Variants in ELAPOR1 observed in about 807,000 individuals in gnomAD.
The protein encoded by ELAPOR1 is endosome/lysosome-associated apoptosis and autophagy regulator 1.
In ELAPOR1, 77 loss-of-function variants were observed where a neutral mutation model predicts 119.7. The observed-to-expected ratio is 0.64, with a 90% CI of 0.54 to 0.78. The LOEUF is 0.78. Among genes scored for constraint, ELAPOR1 ranks in the 30% least tolerant of loss-of-function variants. The pLI, the probability that ELAPOR1 is intolerant of heterozygous loss-of-function variation, is 0.00. For missense variants in ELAPOR1, 1,115 were observed against 1,270.4 expected (o/e 0.88, Z 1.86); for synonymous variants, 481 against 487.2 (o/e 0.99, Z 0.17).
At chr1:109,114,357 G>A (rs368537128) in intron 1 of ELAPOR1, 21 bp downstream of exon 1, 80 of 1,556,802 alleles carry the variant, frequency 5.1e-5, no homozygotes, top group Non-Finnish European at 6.4e-5. Context: ...CCCCCTACCC[G>A]ATCCCGCTTT....
At chr1:109,155,467 C>A (rs1415585566) in intron 1 of ELAPOR1, among the ~76,000 whole-genome samples, 1 of 152,160 alleles carries the variant, frequency 6.6e-6, no homozygotes, top group Non-Finnish European at 1.5e-5. Flanking sequence ...CGTGAGCCAC[C>A]AAGCCCGGCC....
In ELAPOR1 at chr1:109,194,527, G is replaced by A; in HGVS notation, c.2054G>A (p.Gly685Glu). The change falls in exon 15 of 22, where the codon GGG becomes GAG. Residue 685 changes from glycine (G) to glutamate (E), a missense_variant. Physicochemically the swap from Gly to Glu is moderately conservative, Grantham distance 98. Coordinates refer to ENST00000369939, the MANE Select transcript of ELAPOR1 (RefSeq NM_020775.5). ...ALANTVTLAG[G>E]PSFTSKGLKY... ...GCAAACACTGTCACTCTTGCTGGAG[G>A]GCCAAGCTTCACTTCCAAAGGGCTG... The A allele has an allele frequency of 6.2e-7, 1 of 1,613,930 alleles. No individual in the cohort carries two copies. The highest frequency in any genetic ancestry group is 8.5e-7 in the Non-Finnish European group (1 of 1,179,812).
chr1:109,188,322 C>T lies in ELAPOR1; in HGVS notation c.1187C>T (p.Pro396Leu). 1 of 1,614,058 alleles carries T rather than the reference C, an allele frequency of 6.2e-7. No homozygotes were observed. Among genetic ancestry groups the T allele is most frequent in the Non-Finnish European group, 8.5e-7 (1 of 1,179,894 alleles). The change falls in exon 9 of 22, where the codon CCC becomes CTC. Residue 396 changes from proline to leucine, a missense_variant. Transcript: ENST00000369939. ...AAAACCAACAACAGCACCTGCCAGC[C>T]CTGCCCATATGGTTCCTACTCCAAT... Reference protein sequence around the residue: ...FFKTNNSTCQPCPYGSYSNGS... With the variant: ...FFKTNNSTCQLCPYGSYSNGS...
chr1:109,165,403 G>T (rs933049199), intron 3 of ELAPOR1, among the ~76,000 whole-genome samples: 1 of 151,966 alleles, frequency 6.6e-6, no homozygotes, highest in Non-Finnish European at 1.5e-5. Context: ...CCTGGCCATG[G>T]TGAAACCCCG....
At chr1:109,126,483 T>A (rs1032799866) in intron 1 of ELAPOR1, among the ~76,000 whole-genome samples, 2 of 152,188 alleles carry the variant, frequency 1.3e-5, no homozygotes, top group African/African-American at 4.8e-5. Flanking sequence ...AGCACTTTTT[T>A]TTTTTGAGAT....
chr1:109,154,003 C>T (rs913140447), intron 1 of ELAPOR1, among the ~76,000 whole-genome samples: 2 of 151,724 alleles, frequency 1.3e-5, no homozygotes, highest in African/African-American at 2.4e-5. Context: ...GAAAAGGGGC[C>T]GGGTGCTGTG....
At chr1:109,186,757 G>A in intron 8 of ELAPOR1, 1 of 985,566 alleles carries the variant, frequency 1.0e-6, no homozygotes, top group Non-Finnish European at 1.2e-6. Context: ...GTGACTGAAT[G>A]TGGCTGTCTT....
At chr1:109,140,944 C>G (rs961861202) in intron 1 of ELAPOR1, among the ~76,000 whole-genome samples, 1 of 152,134 alleles carries the variant, frequency 6.6e-6, no homozygotes, top group African/African-American at 2.4e-5. Context: ...CTCCCCCTCC[C>G]GGGTTCAAGT....
At chr1:109,140,214 A>G (rs1022635438) in intron 1 of ELAPOR1, among the ~76,000 whole-genome samples, 6 of 152,182 alleles carry the variant, frequency 3.9e-5, no homozygotes, top group Non-Finnish European at 5.9e-5. Context: ...AGGATGCACA[A>G]CCTGTACATC....
At chr1:109,192,503 TTAAG>T (rs1653501281) in intron 13 of ELAPOR1, 104 bp from the exon 14 acceptor site, 1 of 1,179,522 alleles carries the variant, frequency 8.5e-7, no homozygotes, top group Non-Finnish European at 1.2e-6. Context: ...CAGATTCTTC[TTAAG>T]TATCACAGGA....
intron 1 of ELAPOR1, among the ~76,000 whole-genome samples, chr1:109,139,714 C>T (rs1216832267): frequency 6.6e-6 from 1 of 152,192 alleles, no homozygotes; most frequent in African/African-American, 2.4e-5. Flanking sequence ...TATTATTTCT[C>T]ATCTGTCATG....
intron 1 of ELAPOR1, among the ~76,000 whole-genome samples, chr1:109,114,731 G>C (rs1647874123): frequency 6.6e-6 from 1 of 152,198 alleles, no homozygotes; most frequent in Non-Finnish European, 1.5e-5. Context: ...AGAGTAGTGG[G>C]AGAGGAAAGG....
At chr1:109,187,397 C>T in intron 8 of ELAPOR1, 1 of 986,262 alleles carries the variant, frequency 1.0e-6, no homozygotes, top group Non-Finnish European at 1.2e-6. Context: ...CAGTCTGTGT[C>T]CCTCCTTAAG....
chr1:109,135,456 G>T (rs1425610699), intron 1 of ELAPOR1, among the ~76,000 whole-genome samples: 1 of 152,064 alleles, frequency 6.6e-6, no homozygotes, highest in Non-Finnish European at 1.5e-5. Context: ...GACCAGGCTG[G>T]CTGGTCTCCA....
intron 1 of ELAPOR1, among the ~76,000 whole-genome samples, chr1:109,138,539 A>G (rs111495041): frequency 0.053 from 7,918 of 149,294 alleles, 321 homozygotes; most frequent in Non-Finnish European, 0.076. Context: ...CACAGTATGA[A>G]AAACTGTTTC....
intron 15 of ELAPOR1, 70 bp from the exon 16 acceptor site, chr1:109,197,404 T>C (rs1020038237): frequency 1.0e-5 from 14 of 1,378,706 alleles, no homozygotes; most frequent in Non-Finnish European, 1.4e-5. Context: ...AAGCCTTCCC[T>C]ATTCCCTTCT....
chr1:109,183,555 TC>T (rs1397186696), intron 7 of ELAPOR1, among the ~76,000 whole-genome samples: 11 of 12,692 alleles, frequency 8.7e-4, no homozygotes, highest in African/African-American at 1.7e-3. Flanking sequence ...TTCTTTTCCT[TC>T]CTTCCTTCCT....
chr1:109,115,725 T>A (rs1647951217), intron 1 of ELAPOR1, among the ~76,000 whole-genome samples: 1 of 152,232 alleles, frequency 6.6e-6, no homozygotes, highest in South Asian at 2.1e-4. Context: ...TTTGTGTGAA[T>A]AAAGATACTT....
intron 14 of ELAPOR1, 132 bp downstream of exon 14, chr1:109,193,006 TC>T: frequency 1.0e-6 from 1 of 997,288 alleles, no homozygotes; most frequent in Non-Finnish European, 1.5e-6. Context: ...TAGGTTGGAG[TC>T]CTGGAGGACA....
Sources: gnomAD v4.1 joint callset for allele counts (sites outside exome capture counted in the v4.1 genomes callset) on GRCh38, gnomAD v4.1.1 for gene constraint, MANE v1.5 for transcripts, NCBI Gene and HGNC (gene_info 2026-07-23, HGNC 2026-07-21) for gene names.